The following ARSB variants were observed in gnomAD, a reference collection of about 807,000 sequenced individuals.
The protein encoded by ARSB is N-acetylgalactosamine-4-sulfatase.
ARSB carries 41 observed loss-of-function variants against 50.9 expected under a neutral mutation model. The observed-to-expected ratio is 0.81, with a 90% CI of 0.63 to 1.04. The LOEUF (loss-of-function observed/expected upper bound fraction) is 1.04, where lower values mean the gene tolerates loss of function less well. ARSB is among the 50% of genes least tolerant of loss of function. The pLI is 0.00. For synonymous variants in ARSB, 269 were observed against 284.8 expected, an observed-to-expected ratio of 0.94 and a Z score of 0.56; for missense variants, 672 against 693.3, an observed-to-expected ratio of 0.97 and a Z score of 0.35.
At chr5:78,969,487 A>T (rs1186940628) in intron 1 of ARSB, among the ~76,000 whole-genome samples, 1 of 152,238 alleles carries the variant, frequency 6.6e-6, no homozygotes, top group Non-Finnish European at 1.5e-5. Context: ...CAAAAAAAGT[A>T]GCAATAATAT....
chr5:78,959,195 G>T (rs767695525), intron 3 of ARSB, among the ~76,000 whole-genome samples: 6 of 152,120 alleles, frequency 3.9e-5, no homozygotes, highest in Non-Finnish European at 7.4e-5. Context: ...CCCTTTGCTT[G>T]GCACTTCTCT....
chr5:78,944,453 T>G (rs1751111554), intron 4 of ARSB, among the ~76,000 whole-genome samples: 1 of 152,210 alleles, frequency 6.6e-6, no homozygotes, highest in African/African-American at 2.4e-5. Context: ...CAGATGGGGT[T>G]TTGGTGTGGA....
At chr5:78,968,615 C>T (rs1418259561) in intron 2 of ARSB, among the ~76,000 whole-genome samples, 2 of 152,132 alleles carry the variant, frequency 1.3e-5, no homozygotes, top group African/African-American at 4.8e-5. Flanking sequence ...TCCCAAAGTG[C>T]TGGGATTACA....
In ARSB at chr5:78,818,598, C is replaced by CTTTT. The variant is rs775162579; in HGVS notation, c.1213+20754_1213+20757dup. The stretch of plus-strand genomic sequence containing the variant: ...TGGAAAGAACCCATAAAATAAAGCT[C>CTTTT]TTTTTTTTTTTTTTTTTTTTTTTTT... On this transcript the variant is annotated intron_variant, in intron 6 of 7. Transcript: ENST00000264914. 2.8e-3 allele frequency among the ~76,000 whole-genome samples: 206 copies of CTTTT among 74,196 alleles called. 14 individuals carry two copies. The highest frequency in any genetic ancestry group is 0.011 in the African/African-American group (194 of 18,248). 48.7% of individuals were successfully genotyped at this position (74,196 alleles called of 152,430 possible).
chr5:78,789,052 T>C (rs563821084), intron 6 of ARSB, among the ~76,000 whole-genome samples: 119 of 152,214 alleles, frequency 7.8e-4, no homozygotes, highest in Non-Finnish European at 1.5e-3. Flanking sequence ...GAGATACTTC[T>C]GATCTTCATG....
At chr5:78,787,986 G>C (rs1376676392) in intron 6 of ARSB, among the ~76,000 whole-genome samples, 1 of 152,146 alleles carries the variant, frequency 6.6e-6, no homozygotes, top group Non-Finnish European at 1.5e-5. Context: ...AAACGGAGTA[G>C]AGAGGAAAAT....
intron 6 of ARSB, among the ~76,000 whole-genome samples, chr5:78,793,446 T>C (rs3906812): frequency 0.076 from 11,493 of 152,216 alleles, 912 homozygotes; most frequent in African/African-American, 0.19. Context: ...GCATTTTTAT[T>C]TAAAATAGAT....
chr5:78,870,391 T>C (rs1747077578), intron 5 of ARSB, among the ~76,000 whole-genome samples: 1 of 102,346 alleles, frequency 9.8e-6, no homozygotes, highest in East Asian at 2.2e-4. Context: ...ATATCCTTGA[T>C]GAACATTGAT....
At chr5:78,946,193 T>G (rs1299433241) in intron 4 of ARSB, among the ~76,000 whole-genome samples, 1 of 152,210 alleles carries the variant, frequency 6.6e-6, no homozygotes, top group Non-Finnish European at 1.5e-5. Flanking sequence ...AGAGAAGGAT[T>G]AGAAGTGTCA....
At chr5:78,929,050 T>A (rs1023980909) in intron 4 of ARSB, among the ~76,000 whole-genome samples, 2 of 152,078 alleles carry the variant, frequency 1.3e-5, no homozygotes, top group African/African-American at 2.4e-5. Context: ...TCAAGCACAG[T>A]TTAATGGATG....
chr5:78,792,721 C>T (rs562401988), intron 6 of ARSB, among the ~76,000 whole-genome samples: 6 of 152,232 alleles, frequency 3.9e-5, no homozygotes, highest in East Asian at 1.9e-4. Context: ...TGAATTTCCA[C>T]GGTGGTCGCC....
At chr5:78,796,809 A>G (rs1743190546) in intron 6 of ARSB, among the ~76,000 whole-genome samples, 1 of 151,582 alleles carries the variant, frequency 6.6e-6, no homozygotes, top group Non-Finnish European at 1.5e-5. Context: ...ACACGCCACC[A>G]TGCCCAGCTA....
At chr5:78,892,938 C>G (rs1748382129) in intron 4 of ARSB, among the ~76,000 whole-genome samples, 1 of 152,162 alleles carries the variant, frequency 6.6e-6, no homozygotes. Flanking sequence ...GACTGGCAGC[C>G]AGGCACCAAA....
intron 4 of ARSB, among the ~76,000 whole-genome samples, chr5:78,941,873 G>A (rs536327751): frequency 5.3e-5 from 8 of 152,126 alleles, no homozygotes; most frequent in Non-Finnish European, 2.9e-5. Flanking sequence ...GTTCCTCCTT[G>A]TACCTCTGGT....
chr5:78,816,926 C>T (rs1744012723), intron 6 of ARSB: 1 of 213,004 alleles, frequency 4.7e-6, no homozygotes, highest in South Asian at 1.7e-4. Flanking sequence ...TTGAATTCAG[C>T]CCTCTGAGAC....
intron 5 of ARSB, among the ~76,000 whole-genome samples, chr5:78,861,871 C>T (rs535591703): frequency 1.3e-5 from 2 of 152,320 alleles, no homozygotes; most frequent in African/African-American, 2.4e-5. Flanking sequence ...ACCCCATCAT[C>T]TCAGCCCAAA....
chr5:78,965,126 TAATAG>T (rs1752151973), intron 2 of ARSB, among the ~76,000 whole-genome samples: 1 of 152,144 alleles, frequency 6.6e-6, no homozygotes, highest in Non-Finnish European at 1.5e-5. Flanking sequence ...AAACCTTTCC[TAATAG>T]AGGATCTCTA....
intron 6 of ARSB, among the ~76,000 whole-genome samples, chr5:78,792,729 G>A (rs369252476): frequency 3.9e-5 from 6 of 152,062 alleles, no homozygotes; most frequent in Non-Finnish European, 7.4e-5. Flanking sequence ...CACGGTGGTC[G>A]CCATAAGCCC....
At chr5:78,976,668 A>T (rs762650237) in intron 1 of ARSB, among the ~76,000 whole-genome samples, 8 of 152,238 alleles carry the variant, frequency 5.3e-5, no homozygotes, top group Non-Finnish European at 1.0e-4. Flanking sequence ...TTGGAATTAC[A>T]TGCATCCAAA....
Sources: gnomAD v4.1 joint callset for allele counts (sites outside exome capture counted in the v4.1 genomes callset) on GRCh38, gnomAD v4.1.1 for gene constraint, MANE v1.5 for transcripts, NCBI Gene and HGNC (gene_info 2026-07-23, HGNC 2026-07-21) for gene names.